HCN1: variants seen among roughly 807,000 people sequenced by gnomAD.
HCN1 encodes potassium/sodium hyperpolarization-activated cyclic nucleotide-gated channel 1.
HCN1 carries 13 observed loss-of-function variants against 78.9 expected under a neutral mutation model. The observed-to-expected ratio is 0.16, with a 90% CI of 0.11 to 0.26. The LOEUF is 0.26. HCN1 is among the 10% of genes least tolerant of loss of function. The probability of loss-of-function intolerance (pLI) is 1.00; values close to 1 mark genes in which losing one functional copy is unlikely to be tolerated. For synonymous variants in HCN1, 552 were observed against 455.5 expected (o/e 1.21, Z -2.70); for missense variants, 810 against 1,154.3 (o/e 0.70, Z 4.32).
intron 2 of HCN1, among the ~76,000 whole-genome samples, chr5:45,564,777 G>T (rs773870923): frequency 2.0e-5 from 3 of 152,002 alleles, no homozygotes; most frequent in Non-Finnish European, 2.9e-5. Context: ...AGGAATAATC[G>T]CAAATAAAGA....
intron 4 of HCN1, among the ~76,000 whole-genome samples, chr5:45,357,065 T>C (rs987973353): frequency 6.6e-6 from 1 of 152,028 alleles, no homozygotes; most frequent in Non-Finnish European, 1.5e-5. Flanking sequence ...TCCCACCAGA[T>C]AGACATTGAG....
intron 5 of HCN1, among the ~76,000 whole-genome samples, chr5:45,307,346 G>A (rs1201963098): frequency 1.3e-5 from 2 of 152,110 alleles, no homozygotes; most frequent in Non-Finnish European, 2.9e-5. Flanking sequence ...AGGATGGGCT[G>A]AGCATTGAGC....
chr5:45,448,605 C>A (rs781032451), intron 3 of HCN1, among the ~76,000 whole-genome samples: 3 of 152,118 alleles, frequency 2.0e-5, no homozygotes, highest in Non-Finnish European at 2.9e-5. Context: ...TCTTTAGCCA[C>A]GTTTATGCAT....
intron 2 of HCN1, among the ~76,000 whole-genome samples, chr5:45,616,652 A>G (rs868243671): frequency 3.3e-5 from 5 of 152,032 alleles, no homozygotes; most frequent in South Asian, 2.1e-4. Context: ...TTTGTTTTAC[A>G]TTACATTGAA....
At chr5:45,312,164 T>C (rs1745862970) in intron 5 of HCN1, among the ~76,000 whole-genome samples, 1 of 152,152 alleles carries the variant, frequency 6.6e-6, no homozygotes, top group African/African-American at 2.4e-5. Context: ...CACACTTGGG[T>C]GAAGATTTTT....
At position 45,259,955 on chromosome 5, in the gene HCN1, A is replaced by T. The variant is rs914018620; in HGVS notation, c.*1966T>A. 1 of 152,654 alleles carries T rather than the reference A, an allele frequency of 6.6e-6. No individual in the cohort carries two copies. Among genetic ancestry groups the T allele is most frequent in the African/African-American group, 2.4e-5 (1 of 41,464 alleles). The allele number at this position is 152,654 out of a possible 1,614,324, so 9.5% of individuals were successfully genotyped here. ...CCTTTCTTACAACAGTATTCCTGAC[A>T]TGCCATCATATGTCACCAGCATATT... On this transcript the variant is annotated 3_prime_UTR_variant, in exon 8 of 8. Coordinates refer to ENST00000303230, the MANE Select transcript of HCN1 (RefSeq NM_021072.4).
intron 6 of HCN1, among the ~76,000 whole-genome samples, chr5:45,269,587 C>T (rs779808162): frequency 1.3e-5 from 2 of 152,102 alleles, no homozygotes; most frequent in Non-Finnish European, 2.9e-5. Flanking sequence ...GGAGCTTGTC[C>T]TCATATTTCT....
At chr5:45,395,680 C>T (rs1333554822) in intron 4 of HCN1, among the ~76,000 whole-genome samples, 1 of 152,122 alleles carries the variant, frequency 6.6e-6, no homozygotes, top group Non-Finnish European at 1.5e-5. Context: ...CGCTCTTTGG[C>T]AAGGTGCATG....
At chr5:45,350,368 C>A (rs573343569) in intron 5 of HCN1, among the ~76,000 whole-genome samples, 3 of 152,030 alleles carry the variant, frequency 2.0e-5, no homozygotes, top group Non-Finnish European at 4.4e-5. Context: ...ATTGATGGGG[C>A]GTATCTCAAA....
At chr5:45,584,423 C>A (rs1272559645) in intron 2 of HCN1, among the ~76,000 whole-genome samples, 1 of 152,122 alleles carries the variant, frequency 6.6e-6, no homozygotes, top group Non-Finnish European at 1.5e-5. Flanking sequence ...CTACAAGTTT[C>A]TCTGCACGTG....
At chr5:45,306,921 T>C (rs905412583) in intron 5 of HCN1, among the ~76,000 whole-genome samples, 3 of 152,146 alleles carry the variant, frequency 2.0e-5, no homozygotes, top group Non-Finnish European at 1.5e-5. Flanking sequence ...ATTAAGTTTA[T>C]GTTGGCACTT....
At chr5:45,686,206 A>G (rs1249593991) in intron 1 of HCN1, among the ~76,000 whole-genome samples, 1 of 151,560 alleles carries the variant, frequency 6.6e-6, no homozygotes, top group Non-Finnish European at 1.5e-5. Context: ...AGTTCCTAAT[A>G]TTGTTACCTC....
intron 2 of HCN1, among the ~76,000 whole-genome samples, chr5:45,584,062 G>A (rs527893865): frequency 1.3e-5 from 2 of 152,320 alleles, no homozygotes; most frequent in South Asian, 2.1e-4. Flanking sequence ...CTGCAGAGCT[G>A]AGTTCAATTC....
At chr5:45,611,769 T>C (rs1375013900) in intron 2 of HCN1, among the ~76,000 whole-genome samples, 3 of 152,170 alleles carry the variant, frequency 2.0e-5, no homozygotes, top group African/African-American at 7.2e-5. Flanking sequence ...CTATCTTTGC[T>C]AAAATTATTC....
intron 3 of HCN1, among the ~76,000 whole-genome samples, chr5:45,457,034 C>G (rs974704768): frequency 6.6e-6 from 1 of 151,898 alleles, no homozygotes; most frequent in Non-Finnish European, 1.5e-5. Context: ...TATGTTAAAA[C>G]CTTCAAAATG....
intron 3 of HCN1, among the ~76,000 whole-genome samples, chr5:45,409,126 A>G (rs1330696977): frequency 1.3e-5 from 2 of 152,066 alleles, no homozygotes; most frequent in Admixed American, 1.3e-4. Context: ...TGGACTTTTT[A>G]TGATAATTAA....
intron 3 of HCN1, among the ~76,000 whole-genome samples, chr5:45,398,518 GAC>G: frequency 6.6e-6 from 1 of 152,174 alleles, no homozygotes; most frequent in South Asian, 2.1e-4. Flanking sequence ...CCACAGTCAA[GAC>G]ACAGAATAAT....
chr5:45,346,088 G>C (rs1746698668), intron 5 of HCN1, among the ~76,000 whole-genome samples: 1 of 152,124 alleles, frequency 6.6e-6, no homozygotes, highest in Admixed American at 6.6e-5. Flanking sequence ...AGGGATAAAA[G>C]CACCTTTTAA....
intron 2 of HCN1, among the ~76,000 whole-genome samples, chr5:45,478,958 T>TA (rs1741584553): frequency 6.6e-6 from 1 of 151,800 alleles, no homozygotes; most frequent in African/African-American, 2.4e-5. Flanking sequence ...CCGTGTCTCC[T>TA]AAAAATACAA....
Sources: gnomAD v4.1 joint callset for allele counts (sites outside exome capture counted in the v4.1 genomes callset) on GRCh38, gnomAD v4.1.1 for gene constraint, MANE v1.5 for transcripts, NCBI Gene and HGNC (gene_info 2026-07-23, HGNC 2026-07-21) for gene names.